Variants in NRG1 observed in about 807,000 individuals in gnomAD.
The protein encoded by NRG1 is pro-neuregulin-1, membrane-bound isoform.
NRG1 carries 18 observed loss-of-function variants against 63.8 expected under a neutral mutation model. The ratio of observed to expected loss-of-function variants is 0.28; its 90% CI spans 0.19 to 0.42. The LOEUF (loss-of-function observed/expected upper bound fraction) is 0.42. NRG1 is among the 10% of genes least tolerant of loss of function. NRG1 has a pLI of 1.00. For synonymous variants in NRG1, 302 were observed against 301.3 expected (o/e 1.00, Z -0.02); for missense variants, 762 against 814.7 (o/e 0.94, Z 0.79).
At chr8:31,957,293 C>G (rs1421443932) in intron 1 of NRG1, among the ~76,000 whole-genome samples, 1 of 152,026 alleles carries the variant, frequency 6.6e-6, no homozygotes, top group Non-Finnish European at 1.5e-5. Context: ...CACACATACC[C>G]ATGCACTAAC....
intron 3 of NRG1, among the ~76,000 whole-genome samples, chr8:32,610,851 G>A (rs1180808483): frequency 2.0e-5 from 3 of 152,082 alleles, no homozygotes; most frequent in Non-Finnish European, 2.9e-5. Context: ...GTAATTATGT[G>A]ATAACTTATG....
chr8:32,723,419 C>A (rs184599052), intron 5 of NRG1, among the ~76,000 whole-genome samples: 1 of 151,942 alleles, frequency 6.6e-6, no homozygotes, highest in Non-Finnish European at 1.5e-5. Flanking sequence ...TGGTGGCTCA[C>A]GCCTGTAATC....
intron 5 of NRG1, among the ~76,000 whole-genome samples, chr8:32,637,773 G>T (rs1851608920): frequency 6.6e-6 from 1 of 152,120 alleles, no homozygotes. Flanking sequence ...GAAGTTGTTG[G>T]GTTCTGGAGC....
intron 1 of NRG1, among the ~76,000 whole-genome samples, chr8:32,519,636 C>T (rs905058470): frequency 6.6e-6 from 1 of 152,100 alleles, no homozygotes; most frequent in Non-Finnish European, 1.5e-5. Flanking sequence ...ATTTTATTTA[C>T]TAAATTCTAA....
chr8:32,365,992 G>A (rs1182510043), intron 1 of NRG1, among the ~76,000 whole-genome samples: 1 of 151,926 alleles, frequency 6.6e-6, no homozygotes, highest in Non-Finnish European at 1.5e-5. Context: ...CACTAATTTG[G>A]TTACTATAGC....
At chr8:31,662,530 G>C in intron 1 of NRG1, among the ~76,000 whole-genome samples, 1 of 152,132 alleles carries the variant, frequency 6.6e-6, no homozygotes, top group East Asian at 1.9e-4. Flanking sequence ...TTTCACTTTT[G>C]TCCATTGCTA....
At chr8:32,588,786 A>G (rs1842052716) in intron 1 of NRG1, among the ~76,000 whole-genome samples, 1 of 152,218 alleles carries the variant, frequency 6.6e-6, no homozygotes, top group Non-Finnish European at 1.5e-5. Flanking sequence ...AAAGAGAGTC[A>G]GCTTGAGAAT....
intron 1 of NRG1, among the ~76,000 whole-genome samples, chr8:32,426,244 A>T (rs907637680): frequency 2.6e-5 from 4 of 152,166 alleles, no homozygotes; most frequent in African/African-American, 9.7e-5. Flanking sequence ...GCAGGGAGAG[A>T]AGATTCATCA....
chr8:31,646,118 G>A (rs1804263737), intron 1 of NRG1, among the ~76,000 whole-genome samples: 1 of 152,214 alleles, frequency 6.6e-6, no homozygotes, highest in South Asian at 2.1e-4. Context: ...TTCTGTTTCT[G>A]ATGGAGTCTT....
chr8:32,647,424 G>C (rs959687894), intron 5 of NRG1: 1 of 985,210 alleles, frequency 1.0e-6, no homozygotes, highest in South Asian at 4.7e-5. Context: ...ATCTATTTTC[G>C]TCCCTGTCCT....
intron 1 of NRG1, among the ~76,000 whole-genome samples, chr8:31,705,607 A>G (rs1811074212): frequency 6.6e-6 from 1 of 152,218 alleles, no homozygotes; most frequent in African/African-American, 2.4e-5. Flanking sequence ...ATCATTGAAA[A>G]GCTATCAAGC....
intron 1 of NRG1, among the ~76,000 whole-genome samples, chr8:32,174,356 C>A (rs1393323860): frequency 6.6e-6 from 1 of 151,906 alleles, no homozygotes; most frequent in Non-Finnish European, 1.5e-5. Context: ...AAATTTATAG[C>A]ACTAAATGCC....
chr8:31,923,202 T>C (rs1338036324), intron 1 of NRG1, among the ~76,000 whole-genome samples: 1 of 152,226 alleles, frequency 6.6e-6, no homozygotes, highest in East Asian at 1.9e-4. Context: ...ATAGTTTTTT[T>C]TAAATCACAA....
intron 1 of NRG1, among the ~76,000 whole-genome samples, chr8:32,335,693 C>T (rs139923196): frequency 8.5e-5 from 13 of 152,232 alleles, no homozygotes; most frequent in African/African-American, 2.6e-4. Flanking sequence ...TTCTGCTTGA[C>T]GGACTGGCAG....
At chr8:32,518,080 T>C (rs1830007026) in intron 1 of NRG1, among the ~76,000 whole-genome samples, 1 of 152,120 alleles carries the variant, frequency 6.6e-6, no homozygotes, top group South Asian at 2.1e-4. Context: ...AATATAAATA[T>C]TTATTTCCAT....
chr8:31,989,638 A>G (rs1371753885), intron 1 of NRG1, among the ~76,000 whole-genome samples: 1 of 152,016 alleles, frequency 6.6e-6, no homozygotes, highest in East Asian at 1.9e-4. Flanking sequence ...TTCTCAATGA[A>G]AAAATAATTT....
intron 1 of NRG1, among the ~76,000 whole-genome samples, chr8:31,740,478 T>G (rs1815149918): frequency 6.6e-6 from 1 of 152,016 alleles, no homozygotes; most frequent in Non-Finnish European, 1.5e-5. Flanking sequence ...AGTGATTTTT[T>G]TCTGTAATTC....
At chr8:32,473,507 A>T (rs1290863197) in intron 1 of NRG1, among the ~76,000 whole-genome samples, 1 of 152,206 alleles carries the variant, frequency 6.6e-6, no homozygotes, top group African/African-American at 2.4e-5. Context: ...CTAATACTAT[A>T]ACATGCTATT....
chr8:31,745,517 T>C (rs1453793610), intron 1 of NRG1, among the ~76,000 whole-genome samples: 1 of 151,988 alleles, frequency 6.6e-6, no homozygotes, highest in Non-Finnish European at 1.5e-5. Context: ...TTTCCTATGC[T>C]AAGCTGGAGG....
Sources: allele counts gnomAD v4.1 joint callset (sites outside exome capture counted in the v4.1 genomes callset), GRCh38; gene constraint gnomAD v4.1.1; transcripts MANE v1.5; gene names NCBI Gene and HGNC (gene_info 2026-07-23, HGNC 2026-07-21).